Variants in TMEM217 observed in about 807,000 individuals in gnomAD.
The protein encoded by TMEM217 is transmembrane protein 217.
For missense variants in TMEM217, 204 were observed against 248.8 expected, an observed-to-expected ratio of 0.82 and a Z score of 1.21; for synonymous variants, 76 against 88.3, an observed-to-expected ratio of 0.86 and a Z score of 0.78.
chr6:37,238,052 C>A (rs1050745687), intron 1 of TMEM217, among the ~76,000 whole-genome samples: 1 of 151,450 alleles, frequency 6.6e-6, no homozygotes, highest in South Asian at 2.1e-4. Flanking sequence ...TTTACAATAA[C>A]TAATATTTAA....
At chr6:37,223,194 A>C (rs976623343) in intron 1 of TMEM217, among the ~76,000 whole-genome samples, 1 of 152,182 alleles carries the variant, frequency 6.6e-6, no homozygotes, top group African/African-American at 2.4e-5. Flanking sequence ...TGGGGGTAGC[A>C]TATTTACAGA....
At chr6:37,220,300 T>G (rs761793327) in intron 1 of TMEM217, among the ~76,000 whole-genome samples, 1 of 152,208 alleles carries the variant, frequency 6.6e-6, no homozygotes, top group African/African-American at 2.4e-5. Flanking sequence ...CTAGGCACAC[T>G]TGATTTCATT....
downstream of TMEM217, among the ~76,000 whole-genome samples, chr6:37,213,366 G>T (rs1763011360): frequency 1.3e-5 from 2 of 152,246 alleles, no homozygotes; most frequent in African/African-American, 4.8e-5. Context: ...CATCTGGGGA[G>T]TTTGCTTCTC....
At chr6:37,241,314 G>GA (rs900253425) in intron 1 of TMEM217, among the ~76,000 whole-genome samples, 1 of 150,960 alleles carries the variant, frequency 6.6e-6, no homozygotes, top group African/African-American at 2.4e-5. Flanking sequence ...CTTTGTCAAA[G>GA]AAAAAAAAGG....
At chr6:37,248,947 C>T (rs1187905377) in intron 1 of TMEM217, among the ~76,000 whole-genome samples, 1 of 152,170 alleles carries the variant, frequency 6.6e-6, no homozygotes, top group Admixed American at 6.5e-5. Flanking sequence ...TTTCCTGACC[C>T]TTCTGGGTTC....
downstream of TMEM217, among the ~76,000 whole-genome samples, chr6:37,214,495 G>A (rs1269918446): frequency 6.6e-6 from 1 of 152,114 alleles, no homozygotes; most frequent in African/African-American, 2.4e-5. Context: ...CCAAAGTGCT[G>A]GGATTACAGG....
At chr6:37,215,396 GA>G, downstream of TMEM217, 1 of 1,270,032 alleles carries the variant, frequency 7.9e-7, no homozygotes, top group Non-Finnish European at 1.0e-6. Flanking sequence ...CCAACATGGT[GA>G]AACCCCATCT....
chr6:37,238,192 C>T (rs1320497789), intron 1 of TMEM217, among the ~76,000 whole-genome samples: 1 of 147,616 alleles, frequency 6.8e-6, no homozygotes. Flanking sequence ...AGGATAGTAA[C>T]ATTTACCTCA....
At chr6:37,231,226 ATTTTTTTT>A (rs35394043) in intron 1 of TMEM217, among the ~76,000 whole-genome samples, 9 of 87,444 alleles carry the variant, frequency 1.0e-4, no homozygotes, top group African/African-American at 4.1e-4. Flanking sequence ...TGCCTGGCTA[ATTTTTTTT>A]TTTTTTTTTT....
At chr6:37,214,293 T>C (rs1416656333), downstream of TMEM217, among the ~76,000 whole-genome samples, 1 of 152,202 alleles carries the variant, frequency 6.6e-6, no homozygotes, top group Non-Finnish European at 1.5e-5. Flanking sequence ...AGTGGTACGA[T>C]CTTGGATCAC....
intron 1 of TMEM217, among the ~76,000 whole-genome samples, chr6:37,226,250 G>T (rs371142816): frequency 1.1e-4 from 8 of 72,106 alleles, no homozygotes; most frequent in African/African-American, 2.4e-4. Flanking sequence ...TTTTTGTTTT[G>T]TTTTGTTTTA....
chr6:37,235,357 G>A (rs1321907759), intron 1 of TMEM217, among the ~76,000 whole-genome samples: 1 of 151,914 alleles, frequency 6.6e-6, no homozygotes, highest in Non-Finnish European at 1.5e-5. Flanking sequence ...GAATACAAAT[G>A]TATTTCTTTT....
At chr6:37,223,966 C>T (rs2113830188) in intron 1 of TMEM217, among the ~76,000 whole-genome samples, 1 of 147,780 alleles carries the variant, frequency 6.8e-6, no homozygotes, top group South Asian at 2.1e-4. Context: ...GAGACAGGAT[C>T]TCACTCTGTC....
chr6:37,223,881 C>A (rs1414005005), intron 1 of TMEM217, among the ~76,000 whole-genome samples: 1 of 151,088 alleles, frequency 6.6e-6, no homozygotes, highest in African/African-American at 2.4e-5. Flanking sequence ...TGGAGTAATG[C>A]AATCATAGCT....
At position 37,218,161 on chromosome 6, in the gene TMEM217, G is replaced by A. The variant is rs949535782; in HGVS notation, c.*261C>T. ...ATGATTGCTTATAGTGGTGGATAAA[G>A]CTGCTAACTTTTTTTTTTTTTTTTG... On this transcript the variant is annotated 3_prime_UTR_variant, in exon 2 of 2. Transcript: ENST00000357219. 1.9e-5 allele frequency: 22 copies of A among 1,167,618 alleles called. No homozygotes were observed. In the African/African-American group the frequency reaches 3.7e-4, roughly 20 times the overall value. 72.3% of individuals were successfully genotyped at this position (1,167,618 alleles called of 1,614,324 possible).
intron 1 of TMEM217, among the ~76,000 whole-genome samples, chr6:37,235,045 A>G (rs1170759930): frequency 6.6e-6 from 1 of 152,214 alleles, no homozygotes; most frequent in East Asian, 1.9e-4. Context: ...AAAACACAGT[A>G]TCTTCTTAAC....
At chr6:37,248,262 T>C (rs901313859) in intron 1 of TMEM217, among the ~76,000 whole-genome samples, 14 of 152,166 alleles carry the variant, frequency 9.2e-5, no homozygotes, top group Middle Eastern at 3.2e-3. Context: ...AGGGGCTGTA[T>C]GTTTACAGTG....
At chr6:37,220,863 G>A (rs531591529) in intron 1 of TMEM217, among the ~76,000 whole-genome samples, 1 of 151,922 alleles carries the variant, frequency 6.6e-6, no homozygotes, top group East Asian at 1.9e-4. Flanking sequence ...AAACAACTAT[G>A]ATTACTATAT....
chr6:37,217,592 C>G (rs1183917647), downstream of TMEM217: 1 of 978,958 alleles, frequency 1.0e-6, no homozygotes, highest in Non-Finnish European at 1.2e-6. Flanking sequence ...CTTTCACACT[C>G]CTTGACAAAT....
Sources: allele counts gnomAD v4.1 joint callset (sites outside exome capture counted in the v4.1 genomes callset), GRCh38; gene constraint gnomAD v4.1.1; transcripts MANE v1.5; gene names NCBI Gene and HGNC (gene_info 2026-07-23, HGNC 2026-07-21).